MTR: variants seen among roughly 807,000 people sequenced by gnomAD.
MTR encodes the protein 5-methyltetrahydrofolate-homocysteine methyltransferase.
Under a neutral mutation model 154.8 loss-of-function variants are expected in MTR, and 84 were observed. The ratio of observed to expected loss-of-function variants is 0.54; its 90% CI spans 0.45 to 0.65. MTR has a LOEUF of 0.65. Ranked by LOEUF, MTR falls within the 30% of genes least tolerant of loss-of-function variation. The pLI, the probability that MTR is intolerant of heterozygous loss-of-function variation, is 0.00. For missense variants in MTR, 1,275 were observed against 1,570.2 expected (o/e 0.81, Z 3.18); for synonymous variants, 554 against 553.9 (o/e 1.00, Z 0.00).
At chr1:236,852,278 C>T (rs185180202) in intron 16 of MTR, among the ~76,000 whole-genome samples, 3 of 145,012 alleles carry the variant, frequency 2.1e-5, no homozygotes, top group East Asian at 2.0e-4. Context: ...TGTGTGTGTA[C>T]GCGCGTGTTC....
chr1:236,835,471 G>T, intron 13 of MTR, 76 bp from the exon 14 acceptor site: 1 of 1,569,832 alleles, frequency 6.4e-7, no homozygotes, highest in Non-Finnish European at 8.8e-7. Context: ...GCTGGGAAGG[G>T]TAAGGAATTA....
At chr1:236,815,121 A>G (rs1175195758) in intron 6 of MTR, among the ~76,000 whole-genome samples, 7 of 152,186 alleles carry the variant, frequency 4.6e-5, no homozygotes, top group Non-Finnish European at 8.8e-5. Flanking sequence ...CTGTTGGTTC[A>G]TATACCTACC....
intron 2 of MTR, among the ~76,000 whole-genome samples, chr1:236,805,129 C>T (rs958069762): frequency 1.3e-5 from 2 of 152,092 alleles, no homozygotes; most frequent in Non-Finnish European, 2.9e-5. Context: ...AACCATTGTC[C>T]ATCGACTTAA....
At chr1:236,872,466 C>T (rs1348370555) in intron 22 of MTR, among the ~76,000 whole-genome samples, 1 of 152,172 alleles carries the variant, frequency 6.6e-6, no homozygotes, top group Non-Finnish European at 1.5e-5. Context: ...ATGATCTTCC[C>T]TGTTGGCTTC....
At position 236,891,332 on chromosome 1, in the gene MTR, A is replaced by G. The variant is rs377354716; in HGVS notation, c.3204+3A>G. On this transcript the variant is annotated splice_donor_region_variant and intron_variant, in intron 29 of 32. Coordinates refer to ENST00000366577, the MANE Select transcript of MTR (RefSeq NM_000254.3). ...CCTTCTATGGGTTAAGGCAACAGGTATGGAAGGTGTACTGACAGCCAGCAC... is the reference window on the plus strand; with the variant it reads ...CCTTCTATGGGTTAAGGCAACAGGTGTGGAAGGTGTACTGACAGCCAGCAC... The G allele has an allele frequency of 5.6e-6, 9 of 1,613,732 alleles. No individual in the cohort carries two copies. The African/African-American group carries it at 8.0e-5, about 14-fold the overall frequency.
chr1:236,878,614 G>GA (rs1157425988), intron 24 of MTR, among the ~76,000 whole-genome samples: 200 of 147,406 alleles, frequency 1.4e-3, no homozygotes, highest in African/African-American at 3.8e-3. Flanking sequence ...CTAATGAACT[G>GA]AAACAAAAAA....
Position 236,871,854 on chromosome 1 carries a change from T to A in MTR, c.2406-1919T>A, listed in dbSNP as rs560810786. On this transcript the variant is annotated intron_variant, in intron 22 of 32. Coordinates refer to ENST00000366577, the MANE Select transcript of MTR (RefSeq NM_000254.3). ...TCATAGTTTTTTTTTTAACTTTTTT[T>A]AAAAAAGTAATATGAGTACAAGCTA... Among the ~76,000 whole-genome samples the A allele has an allele frequency of 2.9e-4, 44 of 152,230 alleles. No homozygotes were observed. The East Asian group carries it at 3.3e-3, about 11-fold the overall frequency.
At chr1:236,812,911 G>C (rs926652401) in intron 6 of MTR, 67 bp downstream of exon 6, 28 of 1,180,340 alleles carry the variant, frequency 2.4e-5, no homozygotes, top group Admixed American at 1.2e-4. Context: ...CTAATGTAGG[G>C]AGAAGATAAT....
chr1:236,851,039 T>C (rs532232985), intron 16 of MTR, among the ~76,000 whole-genome samples: 4 of 152,356 alleles, frequency 2.6e-5, no homozygotes, highest in Admixed American at 2.6e-4. Context: ...TCTTCATAAA[T>C]TTATTGCTTA....
chr1:236,853,109 AT>A, intron 18 of MTR, 21 bp downstream of exon 18: 1 of 1,613,478 alleles, frequency 6.2e-7, no homozygotes, highest in Non-Finnish European at 8.5e-7. Flanking sequence ...AAGTGTTCTA[AT>A]AGATGGATTT....
chr1:236,867,912 AAGT>A (rs1229723754), intron 22 of MTR, among the ~76,000 whole-genome samples: 1 of 152,226 alleles, frequency 6.6e-6, no homozygotes, highest in African/African-American at 2.4e-5. Flanking sequence ...TGAGCAAAGA[AAGT>A]AGTTTCTTGA....
In MTR at chr1:236,897,047, G is replaced by A; in HGVS notation, c.3640G>A (p.Ala1214Thr). Residue 1214 changes from alanine (A) to threonine (T), a missense_variant, in exon 32 of 33, where the codon GCA becomes ACA. Physicochemically the swap from Ala to Thr is moderately conservative, Grantham distance 58 (BLOSUM62 0). Transcript: ENST00000366577. ...ATCATTAGCAATGGCACCTGCTTCA[G>A]CAGTCTCAGGCCTCTACTTCTCCAA... ...TESLAMAPAS[A>T]VSGLYFSNLK... 1 of 1,614,120 alleles carries A rather than the reference G, an allele frequency of 6.2e-7. No homozygotes were observed. Among genetic ancestry groups the A allele is most frequent in the Non-Finnish European group, 8.5e-7 (1 of 1,180,000 alleles).
Position 236,795,324 on chromosome 1 carries a change from T to A in MTR, c.-380T>A. On this transcript the variant is annotated 5_prime_UTR_variant, in exon 1 of 33. Coordinates refer to ENST00000366577, the MANE Select transcript of MTR (RefSeq NM_000254.3). ...ACCGCGCTCTGAAAGGTTCTAAATGTCTGCGGGGCTCAGAGCCGGATGTCA... is the reference window on the plus strand; with the variant it reads ...ACCGCGCTCTGAAAGGTTCTAAATGACTGCGGGGCTCAGAGCCGGATGTCA... 2.4e-6 allele frequency: 3 copies of A among 1,275,270 alleles called. No homozygotes were observed. The highest frequency in any genetic ancestry group is 3.0e-6 in the Non-Finnish European group (3 of 985,796). 79.0% of individuals were successfully genotyped at this position (1,275,270 alleles called of 1,614,324 possible).
At chr1:236,890,664 G>C (rs759817778) in intron 28 of MTR, among the ~76,000 whole-genome samples, 3 of 152,194 alleles carry the variant, frequency 2.0e-5, no homozygotes, top group Admixed American at 2.0e-4. Flanking sequence ...TCCCTTCAGA[G>C]GTTGTTACGG....
chr1:236,824,530 G>GTGGACCCTTTCC (rs1662169916), intron 9 of MTR, among the ~76,000 whole-genome samples: 1 of 152,228 alleles, frequency 6.6e-6, no homozygotes, highest in African/African-American at 2.4e-5. Flanking sequence ...GAAGAGAAGA[G>GTGGACCCTTTCC]AGACCCCTTT....
At chr1:236,795,793 G>A in intron 1 of MTR, 56 bp downstream of exon 1, 1 of 1,612,962 alleles carries the variant, frequency 6.2e-7, no homozygotes, top group Non-Finnish European at 8.5e-7. Flanking sequence ...TCGTGCTGTG[G>A]CCTCCTAATC....
At chr1:236,858,196 C>T (rs913641451) in intron 18 of MTR, among the ~76,000 whole-genome samples, 3 of 152,152 alleles carry the variant, frequency 2.0e-5, no homozygotes, top group Non-Finnish European at 2.9e-5. Flanking sequence ...AATGGACTCA[C>T]GGTTCCACGT....
At chr1:236,897,343 C>CACACACACACACACACAT (rs1366033407) in intron 32 of MTR, among the ~76,000 whole-genome samples, 8 of 139,850 alleles carry the variant, frequency 5.7e-5, no homozygotes, top group South Asian at 2.2e-4. Flanking sequence ...CACACACACA[C>CACACACACACACACACAT]ATACAGCTTC....
At position 236,803,415 on chromosome 1, in the gene MTR, A is replaced by T; in HGVS notation, c.35-13A>T. The T allele has an allele frequency of 6.2e-7, 1 of 1,612,552 alleles. No individual in the cohort carries two copies. The highest frequency in any genetic ancestry group is 2.2e-5 in the East Asian group (1 of 44,868). On this transcript the variant is annotated splice_polypyrimidine_tract_variant and intron_variant, in intron 1 of 32. Coordinates refer to ENST00000366577, the MANE Select transcript of MTR (RefSeq NM_000254.3). ...TTTCATTCTTTGAAGTCAAACTTTC[A>T]CTTTCTTTAAAGAAGGTCTGAAGAA...
Sources: allele counts gnomAD v4.1 joint callset (sites outside exome capture counted in the v4.1 genomes callset), GRCh38; gene constraint gnomAD v4.1.1; transcripts MANE v1.5; gene names NCBI Gene and HGNC (gene_info 2026-07-23, HGNC 2026-07-21).